Variants in MBNL2 observed in about 807,000 individuals in gnomAD.
MBNL2 encodes muscleblind-like protein 2.
In MBNL2, 17 loss-of-function variants were observed where a neutral mutation model predicts 41.9. The observed-to-expected ratio is 0.41, with a 90% CI of 0.28 to 0.61. The LOEUF is 0.61. Ranked by LOEUF, MBNL2 falls within the 20% of genes least tolerant of loss-of-function variation. The pLI is 0.35. For missense variants in MBNL2, 336 were observed against 505.6 expected (o/e 0.66, Z 3.22); for synonymous variants, 195 against 182.9 (o/e 1.07, Z -0.53).
the MBNL2 span, among the ~76,000 whole-genome samples, chr13:97,149,999 G>A: frequency 6.6e-6 from 1 of 152,198 alleles, no homozygotes; most frequent in East Asian, 1.9e-4. Context: ...CTTAGAACGG[G>A]TTTTCCAATT....
At chr13:97,187,593 TA>T in the MBNL2 span, among the ~76,000 whole-genome samples, 4,855 of 50,306 alleles carry the variant, frequency 0.097, 89 homozygotes, top group East Asian at 0.18. Context: ...CTATGCAGCT[TA>T]AAAAAAAAAA....
the MBNL2 span, among the ~76,000 whole-genome samples, chr13:97,213,451 G>A: frequency 2.6e-5 from 4 of 152,088 alleles, no homozygotes; most frequent in Non-Finnish European, 4.4e-5. Flanking sequence ...AGAAAACCCC[G>A]TCTTGGAAAT....
chr13:97,277,673 C>A (rs1213682200), intron 2 of MBNL2, among the ~76,000 whole-genome samples: 1 of 152,084 alleles, frequency 6.6e-6, no homozygotes. Flanking sequence ...ATTTCTGACC[C>A]AACAAAAGTC....
At chr13:97,190,662 C>T in the MBNL2 span, among the ~76,000 whole-genome samples, 1 of 152,190 alleles carries the variant, frequency 6.6e-6, no homozygotes, top group African/African-American at 2.4e-5. Context: ...AAAGTGGAAC[C>T]ACCTGTCTTT....
the MBNL2 span, among the ~76,000 whole-genome samples, chr13:97,151,964 G>T: frequency 3.9e-5 from 6 of 152,106 alleles, no homozygotes; most frequent in Non-Finnish European, 7.3e-5. Context: ...CACTTTATCA[G>T]CCCACTCATC....
In MBNL2 at chr13:97,366,549, A is replaced by G; in HGVS notation, c.1048+1378A>G. 1.9e-6 allele frequency: 3 copies of G among 1,606,102 alleles called. No individual in the cohort carries two copies. Among genetic ancestry groups the G allele is most frequent in the Non-Finnish European group, 2.6e-6 (3 of 1,172,918 alleles). Reference sequence around the variant, plus strand: ...CCCTTCGCAGCAACAGCCACAGCCAATCAGGTTTGCTCCTTTTAAAGCTTT... The same window carrying G: ...CCCTTCGCAGCAACAGCCACAGCCAGTCAGGTTTGCTCCTTTTAAAGCTTT... On this transcript the variant is annotated intron_variant, in intron 8 of 8. Transcript: ENST00000679496. This position sits in a 1 kb window ranked among gnomAD's most constrained non-coding sequence, Gnocchi z 4.7.
At chr13:97,201,275 T>C in the MBNL2 span, among the ~76,000 whole-genome samples, 1 of 152,196 alleles carries the variant, frequency 6.6e-6, no homozygotes, top group Non-Finnish European at 1.5e-5. Flanking sequence ...CGCATTCCCG[T>C]TTCCAATTAT....
chr13:97,375,269 C>G (rs1041599701), intron 8 of MBNL2, among the ~76,000 whole-genome samples: 1 of 152,174 alleles, frequency 6.6e-6, no homozygotes, highest in Non-Finnish European at 1.5e-5. Flanking sequence ...GGTCTGCTGA[C>G]CACTCTAGAG....
intron 5 of MBNL2, 30 bp downstream of exon 5, chr13:97,347,097 C>T: frequency 2.0e-6 from 3 of 1,486,110 alleles, no homozygotes; most frequent in Non-Finnish European, 2.7e-6. Context: ...GCCCCTGCAC[C>T]CCGGCGCCTC....
chr13:97,317,133 G>A (rs1354399155), intron 2 of MBNL2, among the ~76,000 whole-genome samples: 1 of 152,246 alleles, frequency 6.6e-6, no homozygotes, highest in African/African-American at 2.4e-5. Flanking sequence ...ATCTAGGGCT[G>A]GGTAACTCAA....
chr13:97,198,177 G>A, the MBNL2 span, among the ~76,000 whole-genome samples: 1 of 152,150 alleles, frequency 6.6e-6, no homozygotes, highest in African/African-American at 2.4e-5. Flanking sequence ...GAGACTGGAT[G>A]AGATTCAATG....
chr13:97,186,416 C>T, the MBNL2 span, among the ~76,000 whole-genome samples: 5 of 152,300 alleles, frequency 3.3e-5, no homozygotes, highest in East Asian at 3.9e-4. Flanking sequence ...TGCTCCTACA[C>T]GGAGAGCTGC....
upstream of MBNL2, among the ~76,000 whole-genome samples, chr13:97,216,615 C>T (rs2040398439): frequency 6.6e-6 from 1 of 152,090 alleles, no homozygotes; most frequent in Non-Finnish European, 1.5e-5. Flanking sequence ...CAAACACTAC[C>T]ATCTGTCCTA....
intron 1 of MBNL2, among the ~76,000 whole-genome samples, chr13:97,266,448 C>T (rs2049822259): frequency 6.6e-6 from 1 of 152,124 alleles, no homozygotes; most frequent in African/African-American, 2.4e-5. Flanking sequence ...ATGGGCAGGC[C>T]CCAGTTAGGA....
Position 97,344,961 on chromosome 13 carries a change from T to C in MBNL2, c.540+1745T>C, listed in dbSNP as rs1056913009. Among the ~76,000 whole-genome samples, 78 of 152,194 alleles carry C rather than the reference T, an allele frequency of 5.1e-4. 2 individuals are homozygous for C. Among genetic ancestry groups the C allele is most frequent in the Non-Finnish European group, 1.5e-5 (1 of 68,032 alleles). ...CCTGATGGCTGGTCCACACCTATGA[T>C]GCTATCAGACAGAAGTCATTCCATT... On this transcript the variant is annotated intron_variant, in intron 4 of 8. Transcript: ENST00000679496.
rs187748870 is a variant in MBNL2 at position 97,264,273 on chromosome 13, C to T, written c.-604-11359C>T. The stretch of plus-strand genomic sequence containing the variant: ...CCATCTCCTAACCTTGTGATCCACC[C>T]GCCTCGGCCTCCCAAAGTGCTGGGA... On this transcript the variant is annotated intron_variant, in intron 1 of 8. Coordinates refer to ENST00000679496, the MANE Select transcript of MBNL2 (RefSeq NM_001382683.1). Among the ~76,000 whole-genome samples the T allele has an allele frequency of 4.6e-5, 7 of 152,148 alleles. No homozygotes were observed. In the East Asian group the frequency reaches 9.7e-4, roughly 21 times the overall value.
At chr13:97,146,253 G>A in the MBNL2 span, among the ~76,000 whole-genome samples, 27 of 151,330 alleles carry the variant, frequency 1.8e-4, no homozygotes, top group African/African-American at 4.6e-4. Flanking sequence ...CTCCCGCCTC[G>A]GCCTCCCAAA....
chr13:97,190,331 C>T, the MBNL2 span, among the ~76,000 whole-genome samples: 462 of 152,338 alleles, frequency 3.0e-3, no homozygotes, highest in Non-Finnish European at 5.4e-3. Context: ...ACTCCCTTCC[C>T]GTTGGATGGC....
chr13:97,145,300 T>C, the MBNL2 span, among the ~76,000 whole-genome samples: 1 of 151,866 alleles, frequency 6.6e-6, no homozygotes, highest in Admixed American at 6.6e-5. Flanking sequence ...AAGGAGCAGA[T>C]AGAAGCTAAA....
Sources: allele counts gnomAD v4.1 joint callset (sites outside exome capture counted in the v4.1 genomes callset), GRCh38; gene constraint gnomAD v4.1.1; non-coding constraint Gnocchi (gnomAD v3.1); transcripts MANE v1.5; gene names NCBI Gene and HGNC (gene_info 2026-07-23, HGNC 2026-07-21).